The following FGF14 variants were observed in gnomAD, a reference collection of about 807,000 sequenced individuals.
FGF14 encodes fibroblast growth factor homologous factor 4.
FGF14 carries 5 observed loss-of-function variants against 25.5 expected under a neutral mutation model. The ratio of observed to expected loss-of-function variants is 0.20; its 90% CI spans 0.10 to 0.41. FGF14 has a LOEUF of 0.41. Among genes scored for constraint, FGF14 ranks in the 10% least tolerant of loss-of-function variants. The pLI is 1.00. For missense variants in FGF14, 222 were observed against 320.1 expected, an observed-to-expected ratio of 0.69 and a Z score of 2.34; for synonymous variants, 138 against 118.3, an observed-to-expected ratio of 1.17 and a Z score of -1.08.
In FGF14 at chr13:101,719,835, TCTTA is replaced by T. The variant is rs767430705; in HGVS notation, c.*2992_*2995del. The T allele has an allele frequency of 9.9e-5, 15 of 151,798 alleles. No individual in the cohort carries two copies. The highest frequency in any genetic ancestry group is 5.8e-4 in the East Asian group (3 of 5,162). 9.4% of individuals were successfully genotyped at this position (151,798 alleles called of 1,614,324 possible). ...AACATCAGTAGTGACAGATTGCACT[TCTTA>T]CTTAATAACAGCAAACTTAATTTCT... On this transcript the variant is annotated 3_prime_UTR_variant, in exon 5 of 5. Coordinates refer to ENST00000376143, the MANE Select transcript of FGF14 (RefSeq NM_004115.4).
chr13:101,777,449 C>T (rs2039196276), intron 3 of FGF14, among the ~76,000 whole-genome samples: 1 of 152,032 alleles, frequency 6.6e-6, no homozygotes, highest in Non-Finnish European at 1.5e-5. Flanking sequence ...TGTGAGAGTT[C>T]CAGGGCTGTC....
chr13:102,114,404 T>A lies in FGF14; in HGVS notation c.209-239108A>T, dbSNP rs77497499. 7.5e-3 allele frequency among the ~76,000 whole-genome samples: 1,149 copies of A among 152,294 alleles called. 21 individuals are homozygous for A. Among genetic ancestry groups the A allele is most frequent in the African/African-American group, 0.026 (1,087 of 41,558 alleles). On this transcript the variant is annotated intron_variant, in intron 1 of 4. Transcript: ENST00000376131. ...CTGTGTCCTTTCCTGTGCAGAAGCT[T>A]TTGAGTTTGATGTAGTCCCACGGTT...
At chr13:101,812,270 T>C (rs2041553877) in intron 3 of FGF14, among the ~76,000 whole-genome samples, 1 of 152,118 alleles carries the variant, frequency 6.6e-6, no homozygotes, top group Non-Finnish European at 1.5e-5. Context: ...CTTTAGAGAA[T>C]TTTTGGTGCA....
At chr13:102,038,750 T>G (rs1029060947) in intron 1 of FGF14, among the ~76,000 whole-genome samples, 17 of 152,120 alleles carry the variant, frequency 1.1e-4, no homozygotes, top group Non-Finnish European at 5.9e-5. Flanking sequence ...GTGTGAAAGT[T>G]TTAATTTTTA....
intron 1 of FGF14, among the ~76,000 whole-genome samples, chr13:101,989,289 A>G (rs930789751): frequency 8.6e-5 from 13 of 151,754 alleles, no homozygotes; most frequent in African/African-American, 2.7e-4. Context: ...ATTATTAAAA[A>G]CTCCAATTCA....
chr13:102,303,084 C>T (rs2055159804), intron 1 of FGF14, among the ~76,000 whole-genome samples: 1 of 152,194 alleles, frequency 6.6e-6, no homozygotes, highest in Admixed American at 6.5e-5. Flanking sequence ...ACTCACTCTG[C>T]TCCACCCAAA....
chr13:102,374,642 TTTTATATATATATATATA>T (rs2057983307), intron 1 of FGF14, among the ~76,000 whole-genome samples: 2 of 95,650 alleles, frequency 2.1e-5, no homozygotes, highest in African/African-American at 3.8e-5. Context: ...ATCTTACATA[TTTTATATATATATATATA>T]TATATATATA....
Position 101,766,408 on chromosome 13 carries a change from C to T in FGF14, c.409-39598G>A, listed in dbSNP as rs189745646. Among the ~76,000 whole-genome samples the T allele has an allele frequency of 2.3e-3, 350 of 152,220 alleles. 2 individuals are homozygous for T. The highest frequency in any genetic ancestry group is 3.8e-3 in the Non-Finnish European group (258 of 68,026). On this transcript the variant is annotated intron_variant, in intron 3 of 4. Transcript: ENST00000376143. ...CCTGAATAAGTCAACTCCCTGCCCT[C>T]CAGGATTGCACAGACAATAAGAGGA... is the stretch of plus-strand genomic sequence containing the variant.
intron 3 of FGF14, among the ~76,000 whole-genome samples, chr13:101,861,220 G>A (rs1298265771): frequency 6.6e-6 from 1 of 152,064 alleles, no homozygotes; most frequent in Non-Finnish European, 1.5e-5. Context: ...CCTGAGATGT[G>A]ATCCTTCTAG....
At chr13:102,180,131 C>G (rs763002003) in intron 1 of FGF14, among the ~76,000 whole-genome samples, 4 of 152,150 alleles carry the variant, frequency 2.6e-5, no homozygotes, top group Non-Finnish European at 5.9e-5. Flanking sequence ...ACTATATAGA[C>G]TGGCCAGTTA....
intron 3 of FGF14, among the ~76,000 whole-genome samples, chr13:101,819,913 A>G (rs1348512726): frequency 6.6e-6 from 1 of 152,226 alleles, no homozygotes; most frequent in African/African-American, 2.4e-5. Flanking sequence ...ATTTCAGAGA[A>G]CAGGCTGTGT....
intron 1 of FGF14, among the ~76,000 whole-genome samples, chr13:102,005,293 C>A (rs895132563): frequency 3.3e-5 from 5 of 152,072 alleles, no homozygotes; most frequent in African/African-American, 1.2e-4. Flanking sequence ...CAAATAAGCC[C>A]AAGAAATGTC....
rs2045717603 is a variant in FGF14 at position 102,121,382 on chromosome 13, G to A, written c.209-246086C>T. 2.0e-5 allele frequency among the ~76,000 whole-genome samples: 3 copies of A among 152,076 alleles called. No homozygotes were observed. In the South Asian group the frequency reaches 6.2e-4, roughly 32 times the overall value. ...TTTTTTATCCCATCCATCTCCAGAA[G>A]AGATGTGTACCTTAGAAAATTAGTT... On this transcript the variant is annotated intron_variant, in intron 1 of 4. Transcript: ENST00000376131.
At chr13:101,948,196 TTA>T (rs1260419819) in intron 1 of FGF14, among the ~76,000 whole-genome samples, 2 of 152,210 alleles carry the variant, frequency 1.3e-5, no homozygotes, top group African/African-American at 4.8e-5. Context: ...GTAGGGCATA[TTA>T]TATGTTACTT....
intron 3 of FGF14, among the ~76,000 whole-genome samples, chr13:101,790,391 G>T (rs1240541401): frequency 1.4e-5 from 2 of 146,990 alleles, no homozygotes; most frequent in African/African-American, 2.5e-5. Flanking sequence ...AGATTTACTA[G>T]CTGGCTCTAT....
intron 1 of FGF14, among the ~76,000 whole-genome samples, chr13:101,892,234 A>T (rs2029873313): frequency 6.6e-6 from 1 of 152,154 alleles, no homozygotes; most frequent in Non-Finnish European, 1.5e-5. Flanking sequence ...TTTTCCCCTA[A>T]GGAAAAGTGC....
At chr13:102,320,219 G>A (rs1368705093) in intron 1 of FGF14, among the ~76,000 whole-genome samples, 1 of 149,280 alleles carries the variant, frequency 6.7e-6, no homozygotes, top group African/African-American at 2.5e-5. Flanking sequence ...CCCAAAGTAT[G>A]AGCATGCAAT....
At chr13:102,139,846 T>C (rs1360098718) in intron 1 of FGF14, among the ~76,000 whole-genome samples, 1 of 152,196 alleles carries the variant, frequency 6.6e-6, no homozygotes, top group Non-Finnish European at 1.5e-5. Flanking sequence ...ACCCCTCCCC[T>C]GCCAGCCTGC....
At chr13:102,106,819 A>G (rs1465378892) in intron 1 of FGF14, among the ~76,000 whole-genome samples, 1 of 152,222 alleles carries the variant, frequency 6.6e-6, no homozygotes, top group African/African-American at 2.4e-5. Flanking sequence ...GGGGAAATAC[A>G]TTATGGCTTG....
Sources: gnomAD v4.1 joint callset for allele counts (sites outside exome capture counted in the v4.1 genomes callset) on GRCh38, gnomAD v4.1.1 for gene constraint, MANE v1.5 for transcripts, NCBI Gene and HGNC (gene_info 2026-07-23, HGNC 2026-07-21) for gene names.